CCDC7: variants seen among roughly 807,000 people sequenced by gnomAD.
The protein encoded by CCDC7 is coiled-coil domain-containing protein 7.
CCDC7 carries 183 observed loss-of-function variants against 196.9 expected under a neutral mutation model. That is an observed-to-expected ratio of 0.93 (90% CI 0.82 to 1.05). The LOEUF (loss-of-function observed/expected upper bound fraction) is 1.05. Ranked by LOEUF, CCDC7 falls within the 50% of genes least tolerant of loss-of-function variation. The pLI, the probability that CCDC7 is intolerant of heterozygous loss-of-function variation, is 0.00. For missense variants in CCDC7, 1,540 were observed against 1,482.2 expected, an observed-to-expected ratio of 1.04 and a Z score of -0.64; for synonymous variants, 525 against 484.6, an observed-to-expected ratio of 1.08 and a Z score of -1.10.
At chr10:32,614,941 G>A (rs988368712) in intron 18 of CCDC7, among the ~76,000 whole-genome samples, 4 of 152,132 alleles carry the variant, frequency 2.6e-5, no homozygotes, top group Admixed American at 2.6e-4. Flanking sequence ...ATGGCCTCCA[G>A]TATCATCCAT....
chr10:32,631,440 T>C (rs540011282), intron 18 of CCDC7, among the ~76,000 whole-genome samples: 37 of 152,300 alleles, frequency 2.4e-4, no homozygotes, highest in African/African-American at 7.7e-4. Flanking sequence ...AGTGCTCTTG[T>C]AGAAAAAATT....
At chr10:32,669,301 A>G (rs555179447) in intron 21 of CCDC7, among the ~76,000 whole-genome samples, 5 of 151,960 alleles carry the variant, frequency 3.3e-5, no homozygotes, top group Non-Finnish European at 7.4e-5. Flanking sequence ...GTTTGTTAGT[A>G]TTTTGTTGAG....
intron 15 of CCDC7, among the ~76,000 whole-genome samples, chr10:32,571,006 C>CTT (rs376971167): frequency 0.35 from 45,402 of 131,088 alleles, 10,131 homozygotes; most frequent in Non-Finnish European, 0.48. Flanking sequence ...GGTCACTGGC[C>CTT]TTTTTTTTTT....
At chr10:32,509,090 C>T (rs1180578280) in intron 9 of CCDC7, among the ~76,000 whole-genome samples, 1 of 152,114 alleles carries the variant, frequency 6.6e-6, no homozygotes, top group Non-Finnish European at 1.5e-5. Context: ...CCTGCCTCAA[C>T]CTCCCAAAGT....
chr10:32,474,673 C>G (rs1226239481), intron 8 of CCDC7, among the ~76,000 whole-genome samples: 1 of 152,148 alleles, frequency 6.6e-6, no homozygotes, highest in Non-Finnish European at 1.5e-5. Flanking sequence ...GATTTTGTTA[C>G]TAGGAATTAT....
chr10:32,864,542 T>G (rs2094136096), intron 41 of CCDC7, among the ~76,000 whole-genome samples: 1 of 151,138 alleles, frequency 6.6e-6, no homozygotes, highest in Non-Finnish European at 1.5e-5. Context: ...AATCAGAAAT[T>G]TTCATAGCTA....
intron 28 of CCDC7, among the ~76,000 whole-genome samples, chr10:32,767,164 G>C (rs1343013182): frequency 2.6e-5 from 4 of 151,990 alleles, no homozygotes; most frequent in African/African-American, 9.7e-5. Flanking sequence ...CCTCCCACTG[G>C]GCACGTGTCC....
At chr10:32,587,497 C>G (rs1225516410) in intron 18 of CCDC7, among the ~76,000 whole-genome samples, 3 of 152,142 alleles carry the variant, frequency 2.0e-5, no homozygotes, top group African/African-American at 7.2e-5. Flanking sequence ...GAGGACAAAG[C>G]CCTCATTACC....
intron 20 of CCDC7, among the ~76,000 whole-genome samples, chr10:32,649,288 C>T (rs1408868738): frequency 1.3e-5 from 2 of 152,120 alleles, no homozygotes; most frequent in South Asian, 2.1e-4. Context: ...CCTGCACATC[C>T]TGCACATGTA....
intron 6 of CCDC7, 121 bp downstream of exon 7, chr10:32,471,351 GGTCTA>G (rs2037910459): frequency 8.4e-7 from 1 of 1,194,354 alleles, no homozygotes; most frequent in South Asian, 1.7e-5. Flanking sequence ...AGTCAAATCA[GGTCTA>G]GTCAGCTTGT....
At chr10:32,475,900 A>AT (rs2038883906) in intron 8 of CCDC7, among the ~76,000 whole-genome samples, 1 of 152,138 alleles carries the variant, frequency 6.6e-6, no homozygotes, top group Admixed American at 6.5e-5. Context: ...TTAATAGACT[A>AT]TTTTTTAGAG....
At chr10:32,500,536 AG>A (rs1262109685) in intron 9 of CCDC7, among the ~76,000 whole-genome samples, 1 of 146,762 alleles carries the variant, frequency 6.8e-6, no homozygotes, top group Non-Finnish European at 1.5e-5. Flanking sequence ...GGTGATGGCT[AG>A]GAAGAGGTGC....
At chr10:32,792,111 C>T (rs1413286503) in intron 29 of CCDC7, among the ~76,000 whole-genome samples, 1 of 151,932 alleles carries the variant, frequency 6.6e-6, no homozygotes, top group Admixed American at 6.6e-5. Context: ...CAAAGATGTT[C>T]TGAGAAATAA....
chr10:32,481,222 T>G (rs1014143145), intron 8 of CCDC7, among the ~76,000 whole-genome samples: 4 of 152,184 alleles, frequency 2.6e-5, no homozygotes, highest in African/African-American at 9.6e-5. Flanking sequence ...ATTCTGTGAG[T>G]AAGCAGCAGG....
chr10:32,716,979 A>G (rs552097244), intron 25 of CCDC7, among the ~76,000 whole-genome samples: 88 of 152,328 alleles, frequency 5.8e-4, no homozygotes, highest in African/African-American at 1.8e-3. Context: ...TCAATGAGAC[A>G]GAAAATTAAC....
chr10:32,823,696 T>C (rs1482516794), intron 31 of CCDC7, among the ~76,000 whole-genome samples: 3 of 152,184 alleles, frequency 2.0e-5, no homozygotes, highest in Admixed American at 2.0e-4. Context: ...CAGTTCTAAT[T>C]ATCTGTTTTT....
chr10:32,522,795 G>A (rs1283989815), intron 11 of CCDC7, among the ~76,000 whole-genome samples: 1 of 151,996 alleles, frequency 6.6e-6, no homozygotes, highest in African/African-American at 2.4e-5. Context: ...GCAGGCACTT[G>A]TAGCTATGAA....
chr10:32,660,726 A>C lies in CCDC7; in HGVS notation c.2015-3328A>C, dbSNP rs80335775. ...CCTGAGAAAAACAAGCAATGGGGAAAGGATTCCCTATTTAATAAATGGTGC... is the reference window on the plus strand; with the variant it reads ...CCTGAGAAAAACAAGCAATGGGGAACGGATTCCCTATTTAATAAATGGTGC... On this transcript the variant is annotated intron_variant, in intron 20 of 41. Transcript: ENST00000639629. Among the ~76,000 whole-genome samples the C allele has an allele frequency of 5.5e-3, 843 of 152,258 alleles. 12 individuals carry two copies. The highest frequency in any genetic ancestry group is 0.027 in the Admixed American group (419 of 15,274).
chr10:32,595,682 T>C (rs1202327745), intron 18 of CCDC7, among the ~76,000 whole-genome samples: 1 of 152,228 alleles, frequency 6.6e-6, no homozygotes, highest in Non-Finnish European at 1.5e-5. Context: ...CGGCATTTAG[T>C]GCTATAAATT....
Sources: gnomAD v4.1 joint callset for allele counts (sites outside exome capture counted in the v4.1 genomes callset) on GRCh38, gnomAD v4.1.1 for gene constraint, MANE v1.5 for transcripts, NCBI Gene and HGNC (gene_info 2026-07-23, HGNC 2026-07-21) for gene names.